Variants in JAK2 observed in about 807,000 individuals in gnomAD.
JAK2 encodes the protein tyrosine-protein kinase JAK2.
In JAK2, 86 loss-of-function variants were observed where a neutral mutation model predicts 139.3. The observed-to-expected ratio is 0.62, with a 90% CI of 0.52 to 0.74. JAK2 has a LOEUF of 0.74. Ranked by LOEUF, JAK2 falls within the 30% of genes least tolerant of loss-of-function variation. JAK2 has a pLI of 0.00. For missense variants in JAK2, 1,421 were observed against 1,360.3 expected (o/e 1.04, Z -0.70); for synonymous variants, 490 against 437.7 (o/e 1.12, Z -1.49).
intron 16 of JAK2, among the ~76,000 whole-genome samples, chr9:5,079,122 A>T (rs574514140): frequency 6.6e-6 from 1 of 152,328 alleles, no homozygotes; most frequent in African/African-American, 2.4e-5. Flanking sequence ...TCTGACAGTG[A>T]AGACAGTGAT....
chr9:5,009,211 T>TAAAC lies in JAK2; in HGVS notation c.-25-12750_-25-12747dup, dbSNP rs372605780. Among the ~76,000 whole-genome samples, 1,477 of 152,306 alleles carry TAAAC rather than the reference T, an allele frequency of 9.7e-3. 18 individuals carry two copies. The highest frequency in any genetic ancestry group is 0.018 in the Non-Finnish European group (1,206 of 68,030). On this transcript the variant is annotated intron_variant, in intron 2 of 24. Transcript: ENST00000381652. The stretch of plus-strand genomic sequence containing the variant: ...CCGAGGCTCAGACATCAGCAGGTGT[T>TAAAC]AAACACCTGTGGGAAAGGAGAGAAC...
At position 5,127,394 on chromosome 9, in the gene JAK2, T is replaced by G. The variant is rs1355766332; in HGVS notation, c.*603T>G. ...GCAGGTGTATACTTTTAGCTTGTAG[T>G]TCCATGTACTGTAAATATTTTTCAC... On this transcript the variant is annotated 3_prime_UTR_variant, in exon 25 of 25. Coordinates refer to ENST00000381652, the MANE Select transcript of JAK2 (RefSeq NM_004972.4). 8.6e-6 allele frequency: 2 copies of G among 231,810 alleles called. No individual in the cohort carries two copies. Among genetic ancestry groups the G allele is most frequent in the African/African-American group, 2.2e-5 (1 of 45,258 alleles). 14.4% of individuals were successfully genotyped at this position (231,810 alleles called of 1,614,324 possible). A position where few individuals can be genotyped will look rare whatever the true frequency, so the allele number is the denominator to read the frequency against.
At chr9:5,039,966 A>C (rs1051213410) in intron 4 of JAK2, among the ~76,000 whole-genome samples, 2 of 152,216 alleles carry the variant, frequency 1.3e-5, no homozygotes, top group African/African-American at 4.8e-5. Context: ...GGTTAATCAT[A>C]AATTTATATA....
At chr9:5,027,244 G>A (rs1354587620) in intron 3 of JAK2, among the ~76,000 whole-genome samples, 11 of 152,086 alleles carry the variant, frequency 7.2e-5, no homozygotes, top group Admixed American at 1.3e-4. Flanking sequence ...CCAGACTATC[G>A]CAGTGAAGCA....
In JAK2 at chr9:5,055,686, C is replaced by G. The variant is rs1480230972; in HGVS notation, c.954C>G (p.Cys318Trp). 1 of 1,576,150 alleles carries G rather than the reference C, an allele frequency of 6.3e-7. No homozygotes were observed. Among genetic ancestry groups the G allele is most frequent in the East Asian group, 2.2e-5 (1 of 44,470 alleles). ...AATTATAGGATTTACAGTTATATTG[C>G]GATTTTCCTAATATTATTGATGTCA... ...TLTEQDLQLYCDFPNIIDVSI... is the reference protein window; with the variant it reads ...TLTEQDLQLYWDFPNIIDVSI... Residue 318 changes from cysteine (C) to tryptophan (W), a missense_variant, in exon 8 of 25, where the codon TGC becomes TGG. By Grantham distance (215) the Cys-to-Trp change is radical. Transcript: ENST00000381652.
intron 2 of JAK2, among the ~76,000 whole-genome samples, chr9:4,994,196 A>G (rs1274889500): frequency 2.0e-5 from 3 of 152,212 alleles, no homozygotes; most frequent in African/African-American, 7.2e-5. Flanking sequence ...TGTGGCCATA[A>G]ATATGCCATA....
At chr9:5,031,687 G>GA (rs1169515881) in intron 4 of JAK2, among the ~76,000 whole-genome samples, 1 of 152,114 alleles carries the variant, frequency 6.6e-6, no homozygotes, top group African/African-American at 2.4e-5. Context: ...CAAAACAATA[G>GA]AAAAAATCAT....
chr9:5,092,644 G>T (rs1198839661), intron 22 of JAK2, among the ~76,000 whole-genome samples: 2 of 152,154 alleles, frequency 1.3e-5, no homozygotes, highest in African/African-American at 4.8e-5. Flanking sequence ...TATACCTTCT[G>T]CATAAAGTAT....
In JAK2 at chr9:5,016,127, G is replaced by T. The variant is rs144764836; in HGVS notation, c.-25-5836G>T. On this transcript the variant is annotated intron_variant, in intron 2 of 24. Transcript: ENST00000381652. ...CTTCCCTCCAAATAGACTATTGGAA[G>T]GGGAACCTCCCGCCAAACGCTGCCT... is the stretch of plus-strand genomic sequence containing the variant. 6.6e-5 allele frequency among the ~76,000 whole-genome samples: 10 copies of T among 152,306 alleles called. No homozygotes were observed. The East Asian group carries it at 1.9e-3, about 29-fold the overall frequency.
At chr9:4,988,168 C>G (rs754404724) in intron 2 of JAK2, among the ~76,000 whole-genome samples, 3 of 152,216 alleles carry the variant, frequency 2.0e-5, no homozygotes, top group Non-Finnish European at 4.4e-5. Flanking sequence ...CTTCCCCACT[C>G]CCTTTTAGAC....
chr9:5,037,938 A>T (rs1265153921), intron 4 of JAK2, among the ~76,000 whole-genome samples: 2 of 152,234 alleles, frequency 1.3e-5, no homozygotes, highest in Non-Finnish European at 1.5e-5. Context: ...TAAGTATGAA[A>T]TTTAAAACAG....
intron 4 of JAK2, among the ~76,000 whole-genome samples, chr9:5,037,023 A>T (rs1816093072): frequency 6.6e-6 from 1 of 152,206 alleles, no homozygotes; most frequent in Non-Finnish European, 1.5e-5. Context: ...CAAGAAAACA[A>T]CAACCCCATC....
intron 19 of JAK2, chr9:5,085,241 C>A: frequency 4.5e-6 from 3 of 672,794 alleles, no homozygotes; most frequent in Non-Finnish European, 8.6e-6. Flanking sequence ...AGGACAGGAC[C>A]AGTGGCTAAC....
chr9:5,045,246 T>C lies in JAK2; in HGVS notation c.468+726T>C, dbSNP rs569737634. 2.0e-5 allele frequency among the ~76,000 whole-genome samples: 3 copies of C among 152,130 alleles called. No individual in the cohort carries two copies. In the South Asian group the frequency reaches 6.2e-4, roughly 32 times the overall value. On this transcript the variant is annotated intron_variant, in intron 5 of 24. Transcript: ENST00000381652. ...CTTGGTATCCCCAAGGTATCAGGAG[T>C]TCTAAATCAGATTTGCTAATATTGT...
At chr9:5,012,595 G>A (rs761480108) in intron 2 of JAK2, among the ~76,000 whole-genome samples, 2 of 152,116 alleles carry the variant, frequency 1.3e-5, no homozygotes, top group African/African-American at 2.4e-5. Context: ...TATACCGTAT[G>A]TATAATAAAA....
intron 8 of JAK2, among the ~76,000 whole-genome samples, chr9:5,057,424 C>A (rs1267801005): frequency 2.0e-5 from 3 of 151,908 alleles, no homozygotes; most frequent in African/African-American, 7.2e-5. Flanking sequence ...AGCATCTTAA[C>A]CATTTTTAAG....
At chr9:5,093,818 G>A (rs576759327) in intron 22 of JAK2, among the ~76,000 whole-genome samples, 37 of 152,216 alleles carry the variant, frequency 2.4e-4, no homozygotes, top group Middle Eastern at 3.4e-3. Flanking sequence ...TGGTGTAGCC[G>A]CTATTAAGGG....
At chr9:5,074,177 CAG>C (rs775511590) in intron 14 of JAK2, among the ~76,000 whole-genome samples, 12 of 152,104 alleles carry the variant, frequency 7.9e-5, no homozygotes, top group Non-Finnish European at 1.8e-4. Flanking sequence ...ATGGAACTGA[CAG>C]AAATGATTAT....
At chr9:5,087,327 T>A (rs1051936956) in intron 19 of JAK2, among the ~76,000 whole-genome samples, 1 of 152,016 alleles carries the variant, frequency 6.6e-6, no homozygotes, top group Non-Finnish European at 1.5e-5. Flanking sequence ...AACCATCAGA[T>A]CTCATGAGAA....
Sources: allele counts gnomAD v4.1 joint callset (sites outside exome capture counted in the v4.1 genomes callset), GRCh38; gene constraint gnomAD v4.1.1; transcripts MANE v1.5; gene names NCBI Gene and HGNC (gene_info 2026-07-23, HGNC 2026-07-21).